RBFOX1: variants seen among roughly 807,000 people sequenced by gnomAD.
RBFOX1 encodes RNA binding fox-1 homolog 1, also known as RNA binding protein fox-1 homolog 1.
In RBFOX1, 8 loss-of-function variants were observed where a neutral mutation model predicts 57.7. That is an observed-to-expected ratio of 0.14 (90% CI 0.08 to 0.25). The LOEUF is 0.25. Among genes scored for constraint, RBFOX1 ranks in the 10% least tolerant of loss-of-function variants. The pLI is 1.00. For missense variants in RBFOX1, 611 were observed against 548.5 expected (o/e 1.11, Z -1.14); for synonymous variants, 326 against 222.4 (o/e 1.47, Z -4.15).
intron 10 of RBFOX1, among the ~76,000 whole-genome samples, chr16:7,620,995 C>T (rs1448638566): frequency 2.6e-5 from 4 of 152,132 alleles, no homozygotes; most frequent in African/African-American, 7.2e-5. Flanking sequence ...GTTGTCAGCA[C>T]CATCTGCATC....
intron 4 of RBFOX1, among the ~76,000 whole-genome samples, chr16:7,348,724 C>G (rs1237462293): frequency 9.2e-5 from 14 of 152,118 alleles, no homozygotes; most frequent in South Asian, 2.1e-4. Flanking sequence ...GGCAGATCAC[C>G]TGAGGTCAGG....
chr16:6,572,971 C>A (rs956249761), intron 2 of RBFOX1, among the ~76,000 whole-genome samples: 2 of 152,126 alleles, frequency 1.3e-5, no homozygotes, highest in African/African-American at 4.8e-5. Context: ...TAAATACCTT[C>A]CCTCGGGGAC....
At chr16:6,982,883 C>T (rs752528903) in intron 3 of RBFOX1, among the ~76,000 whole-genome samples, 10 of 147,322 alleles carry the variant, frequency 6.8e-5, no homozygotes, top group Non-Finnish European at 1.3e-4. Flanking sequence ...ATCCAAGATA[C>T]TTGGGAGGCT....
intron 4 of RBFOX1, among the ~76,000 whole-genome samples, chr16:5,985,913 T>C (rs995425529): frequency 6.6e-6 from 1 of 152,116 alleles, no homozygotes; most frequent in Admixed American, 6.5e-5. Context: ...GGCAAACCGG[T>C]GCTACTTTTC....
At chr16:6,171,729 G>A (rs947875677) in intron 1 of RBFOX1, among the ~76,000 whole-genome samples, 6 of 152,200 alleles carry the variant, frequency 3.9e-5, no homozygotes, top group Admixed American at 2.6e-4. Context: ...TAGCAGAAAA[G>A]CGGCATACAT....
chr16:7,461,043 C>G (rs995838906), intron 4 of RBFOX1, among the ~76,000 whole-genome samples: 1 of 152,176 alleles, frequency 6.6e-6, no homozygotes, highest in Non-Finnish European at 1.5e-5. Context: ...CTTTAGGTTT[C>G]TGTTAGCCAG....
chr16:5,977,796 C>G (rs188385616), intron 4 of RBFOX1, among the ~76,000 whole-genome samples: 1 of 152,146 alleles, frequency 6.6e-6, no homozygotes, highest in Non-Finnish European at 1.5e-5. Context: ...TTAAGAGACA[C>G]CACCATCAAG....
At chr16:6,483,174 C>T (rs1200009356) in intron 2 of RBFOX1, 2 of 1,122,788 alleles carry the variant, frequency 1.8e-6, no homozygotes, top group Non-Finnish European at 2.2e-6. Context: ...TCTCATTTGG[C>T]GAGCGTTTTG....
intron 2 of RBFOX1, among the ~76,000 whole-genome samples, chr16:6,647,058 G>A (rs566408848): frequency 6.6e-6 from 1 of 152,064 alleles, no homozygotes; most frequent in African/African-American, 2.4e-5. Flanking sequence ...TCTTGTGTCT[G>A]GATATTCAAG....
chr16:7,282,881 C>T (rs1049026078), intron 4 of RBFOX1, among the ~76,000 whole-genome samples: 8 of 152,288 alleles, frequency 5.3e-5, no homozygotes, highest in East Asian at 1.9e-4. Context: ...AGTCTCCAAT[C>T]GCATCCAGGT....
intron 3 of RBFOX1, among the ~76,000 whole-genome samples, chr16:7,016,528 T>C (rs1291739302): frequency 6.6e-6 from 1 of 152,180 alleles, no homozygotes; most frequent in Non-Finnish European, 1.5e-5. Flanking sequence ...AGCACACCTA[T>C]GTGCCAAGCA....
intron 4 of RBFOX1, among the ~76,000 whole-genome samples, chr16:7,457,808 A>G (rs1375132877): frequency 6.6e-6 from 1 of 150,942 alleles, no homozygotes; most frequent in African/African-American, 2.5e-5. Context: ...CCAAGCAGCC[A>G]AAGTTGTCTT....
rs1298240704 is a variant in RBFOX1 at position 7,160,850 on chromosome 16, CCTCCTCCTT to C, written c.27+108755_27+108763del. On this transcript the variant is annotated intron_variant, in intron 4 of 15. Coordinates refer to ENST00000550418, the MANE Select transcript of RBFOX1 (RefSeq NM_018723.4). Reference sequence around the variant, plus strand: ...CTCCCTCCTCCTTCCTCCTCCTCCTCCTCCTCCTTCTTTTTCTTCGTTCAATCTTGGAAG... The same window carrying C: ...CTCCCTCCTCCTTCCTCCTCCTCCTCCTTTTTCTTCGTTCAATCTTGGAAG... Among the ~76,000 whole-genome samples the C allele has an allele frequency of 1.5e-4, 23 of 151,378 alleles. No homozygotes were observed. In the Admixed American group the frequency reaches 1.5e-3, roughly 10 times the overall value.
chr16:7,427,986 A>G (rs1027823707), intron 4 of RBFOX1, among the ~76,000 whole-genome samples: 6 of 152,140 alleles, frequency 3.9e-5, no homozygotes, highest in Non-Finnish European at 7.3e-5. Flanking sequence ...CATATCAGAT[A>G]TCTTTTTACA....
intron 2 of RBFOX1, among the ~76,000 whole-genome samples, chr16:6,574,280 T>C (rs1187196117): frequency 1.3e-5 from 2 of 151,980 alleles, no homozygotes; most frequent in African/African-American, 4.8e-5. Flanking sequence ...ATGTCAGCTG[T>C]TGCTTTCATG....
intron 3 of RBFOX1, among the ~76,000 whole-genome samples, chr16:7,013,988 G>C (rs1185413138): frequency 6.6e-6 from 1 of 152,084 alleles, no homozygotes; most frequent in East Asian, 1.9e-4. Context: ...CCGTACGTCA[G>C]TATTCTCACT....
chr16:6,387,621 T>G (rs935141192), intron 2 of RBFOX1, among the ~76,000 whole-genome samples: 1 of 152,172 alleles, frequency 6.6e-6, no homozygotes. Flanking sequence ...AAAGAAAATG[T>G]CTAGCATTGC....
chr16:6,371,997 T>G (rs1191341567), intron 2 of RBFOX1, among the ~76,000 whole-genome samples: 1 of 152,198 alleles, frequency 6.6e-6, no homozygotes, highest in Non-Finnish European at 1.5e-5. Flanking sequence ...CTGGTACAGA[T>G]TAGGTACTAA....
intron 4 of RBFOX1, among the ~76,000 whole-genome samples, chr16:7,402,355 A>G (rs533355230): frequency 3.3e-5 from 5 of 152,222 alleles, no homozygotes; most frequent in Non-Finnish European, 7.3e-5. Flanking sequence ...TCCATTATCA[A>G]TCTTTAATAA....
Sources: allele counts gnomAD v4.1 joint callset (sites outside exome capture counted in the v4.1 genomes callset), GRCh38; gene constraint gnomAD v4.1.1; transcripts MANE v1.5; gene names NCBI Gene and HGNC (gene_info 2026-07-23, HGNC 2026-07-21).